LRP1B: variants seen among roughly 807,000 people sequenced by gnomAD.
LRP1B encodes LDL receptor related protein 1B, also known as low-density lipoprotein receptor-related protein 1B.
LRP1B carries 217 observed loss-of-function variants against 556.6 expected under a neutral mutation model. That is an observed-to-expected ratio of 0.39 (90% CI 0.35 to 0.44). The LOEUF is 0.44. Ranked by LOEUF, LRP1B falls within the 20% of genes least tolerant of loss-of-function variation. The pLI, the probability that LRP1B is intolerant of heterozygous loss-of-function variation, is 1.00. For synonymous variants in LRP1B, 2,047 were observed against 1,865.8 expected (o/e 1.10, Z -2.50); for missense variants, 5,053 against 5,620.8 (o/e 0.90, Z 3.23).
chr2:141,053,602 A>G (rs1323156124), intron 10 of LRP1B, among the ~76,000 whole-genome samples: 3 of 152,040 alleles, frequency 2.0e-5, no homozygotes, highest in Non-Finnish European at 4.4e-5. Context: ...GGAATGTTCC[A>G]AAGACCCAGT....
At chr2:141,741,263 CTTTTTTTTTTTT>C (rs11326947) in intron 2 of LRP1B, among the ~76,000 whole-genome samples, 18 of 57,982 alleles carry the variant, frequency 3.1e-4, no homozygotes, top group Middle Eastern at 0.015. Flanking sequence ...TACTGATTTC[CTTTTTTTTTTTT>C]TTTTTTTTTT....
chr2:140,490,760 G>A (rs1490330887), intron 57 of LRP1B, among the ~76,000 whole-genome samples: 1 of 152,068 alleles, frequency 6.6e-6, no homozygotes, highest in Non-Finnish European at 1.5e-5. Context: ...AGGCAAAACT[G>A]GGCAGAAGGC....
intron 3 of LRP1B, among the ~76,000 whole-genome samples, chr2:141,305,863 C>T (rs1686568894): frequency 6.6e-6 from 1 of 152,170 alleles, no homozygotes. Flanking sequence ...TTTTGCCCTT[C>T]ATTCTGAGAA....
rs148098116 is a variant in LRP1B, at chr2:140,694,941, C to T, written c.6799+5309G>A. On this transcript the variant is annotated intron_variant, in intron 41 of 90. Coordinates refer to ENST00000389484, the MANE Select transcript of LRP1B (RefSeq NM_018557.3). ...TTAATTTTAACAAATTTTTTTCTTA[C>T]ATATGTATATTTGGCCTCCTGGATG... Among the ~76,000 whole-genome samples the T allele has an allele frequency of 3.1e-3, 471 of 151,756 alleles. 6 individuals are homozygous for T. Among genetic ancestry groups the T allele is most frequent in the Middle Eastern group, 3.4e-3 (1 of 294 alleles).
chr2:141,351,319 ATG>A (rs934625595), intron 3 of LRP1B, among the ~76,000 whole-genome samples: 5 of 152,050 alleles, frequency 3.3e-5, no homozygotes, highest in Admixed American at 3.3e-4. Flanking sequence ...CAACCCTAGA[ATG>A]TATTATTGTA....
At chr2:141,130,620 T>C (rs1701326472) in intron 7 of LRP1B, among the ~76,000 whole-genome samples, 1 of 152,098 alleles carries the variant, frequency 6.6e-6, no homozygotes, top group Non-Finnish European at 1.5e-5. Context: ...AGATAATGTT[T>C]GTAAAAAGGT....
At chr2:140,236,874 C>T (rs1680728156) in intron 89 of LRP1B, among the ~76,000 whole-genome samples, 1 of 150,888 alleles carries the variant, frequency 6.6e-6, no homozygotes, top group Admixed American at 6.6e-5. Context: ...AATACCTCAA[C>T]ACATTTGATT....
Position 140,402,155 on chromosome 2 carries a change from C to G in LRP1B, c.10415-16146G>C, listed in dbSNP as rs1315069017. ...AGCCTGGCTCTCAGAAACTCCTACTCCCAGGGTAGGTGCGGAGAACCACAT... is the reference window on the plus strand; with the variant it reads ...AGCCTGGCTCTCAGAAACTCCTACTGCCAGGGTAGGTGCGGAGAACCACAT... On this transcript the variant is annotated intron_variant, in intron 66 of 90. Coordinates refer to ENST00000389484, the MANE Select transcript of LRP1B (RefSeq NM_018557.3). Among the ~76,000 whole-genome samples the G allele has an allele frequency of 2.0e-5, 3 of 152,278 alleles. No homozygotes were observed. The East Asian group carries it at 5.8e-4, about 29-fold the overall frequency.
intron 2 of LRP1B, among the ~76,000 whole-genome samples, chr2:141,513,864 G>A (rs1320242629): frequency 6.6e-6 from 1 of 152,122 alleles, no homozygotes; most frequent in African/African-American, 2.4e-5. Flanking sequence ...GACTGGTCGT[G>A]GAGGAAGTCC....
intron 3 of LRP1B, among the ~76,000 whole-genome samples, chr2:141,444,126 T>C (rs893803847): frequency 1.3e-5 from 2 of 152,198 alleles, no homozygotes; most frequent in Admixed American, 6.5e-5. Flanking sequence ...GTTTGTTTTT[T>C]CCTTGAAGAA....
chr2:140,515,672 A>C (rs978937054), intron 50 of LRP1B, among the ~76,000 whole-genome samples: 1 of 152,074 alleles, frequency 6.6e-6, no homozygotes, highest in African/African-American at 2.4e-5. Flanking sequence ...AGTTTGGAAA[A>C]AATAAAATTA....
At chr2:140,999,237 A>G (rs1362405061) in intron 15 of LRP1B, among the ~76,000 whole-genome samples, 5 of 152,114 alleles carry the variant, frequency 3.3e-5, no homozygotes, top group Non-Finnish European at 5.9e-5. Flanking sequence ...GTTGCAGGCT[A>G]TATTAGAAGA....
At chr2:141,543,097 T>A (rs1310667419) in intron 2 of LRP1B, among the ~76,000 whole-genome samples, 2 of 152,244 alleles carry the variant, frequency 1.3e-5, no homozygotes, top group Admixed American at 1.3e-4. Flanking sequence ...TCCATTACTA[T>A]GAAGATAAGC....
intron 1 of LRP1B, among the ~76,000 whole-genome samples, chr2:141,935,944 T>C (rs1433462159): frequency 6.6e-6 from 1 of 152,178 alleles, no homozygotes; most frequent in African/African-American, 2.4e-5. Flanking sequence ...TATACTTTAC[T>C]ACATTAACAC....
At chr2:142,045,060 A>T (rs1704205693) in intron 1 of LRP1B, among the ~76,000 whole-genome samples, 1 of 151,648 alleles carries the variant, frequency 6.6e-6, no homozygotes, top group African/African-American at 2.4e-5. Context: ...TGCATATAAG[A>T]CTATGCATTT....
intron 79 of LRP1B, among the ~76,000 whole-genome samples, chr2:140,326,883 T>G (rs1046191140): frequency 6.6e-6 from 1 of 152,134 alleles, no homozygotes; most frequent in Admixed American, 6.6e-5. Context: ...TTTAGTTTCA[T>G]TTTTTGATTT....
intron 57 of LRP1B, among the ~76,000 whole-genome samples, chr2:140,488,365 G>A (rs2105367989): frequency 6.6e-6 from 1 of 152,026 alleles, no homozygotes; most frequent in East Asian, 1.9e-4. Context: ...GAGGAACTGG[G>A]TAATCAACAT....
intron 3 of LRP1B, among the ~76,000 whole-genome samples, chr2:141,307,257 T>C (rs1240925194): frequency 6.6e-6 from 1 of 152,136 alleles, no homozygotes; most frequent in Non-Finnish European, 1.5e-5. Context: ...CCTTTAGATT[T>C]AATAATATTT....
chr2:142,125,718 G>C (rs1707620724), intron 1 of LRP1B, among the ~76,000 whole-genome samples: 2 of 151,770 alleles, frequency 1.3e-5, no homozygotes, highest in Admixed American at 1.3e-4. Context: ...TTGTGACACA[G>C]GTTAAATTTG....
Sources: allele counts gnomAD v4.1 joint callset (sites outside exome capture counted in the v4.1 genomes callset), GRCh38; gene constraint gnomAD v4.1.1; transcripts MANE v1.5; gene names NCBI Gene and HGNC (gene_info 2026-07-23, HGNC 2026-07-21).